Variants in GBE1 observed in about 807,000 individuals in gnomAD.
GBE1 encodes 1,4-alpha-glucan branching enzyme 1.
A neutral mutation model predicts 88.8 loss-of-function variants in GBE1; 70 were observed. The ratio of observed to expected loss-of-function variants is 0.79; its 90% CI spans 0.65 to 0.96. GBE1 has a LOEUF of 0.96. Ranked by LOEUF, GBE1 falls within the 40% of genes least tolerant of loss-of-function variation. GBE1 has a pLI of 0.00. For missense variants in GBE1, 872 were observed against 871.0 expected (o/e 1.00, Z -0.01); for synonymous variants, 284 against 300.1 (o/e 0.95, Z 0.56).
intron 3 of GBE1, among the ~76,000 whole-genome samples, chr3:81,664,006 G>T (rs1368631739): frequency 6.6e-6 from 1 of 151,864 alleles, no homozygotes; most frequent in African/African-American, 2.4e-5. Flanking sequence ...ATAAAAAGGG[G>T]CTGTGCATAG....
intron 12 of GBE1, among the ~76,000 whole-genome samples, chr3:81,575,534 A>T (rs902406791): frequency 1.3e-5 from 2 of 152,176 alleles, no homozygotes; most frequent in African/African-American, 4.8e-5. Context: ...ATGTTTTTAT[A>T]AAAATATGTG....
chr3:81,510,150 T>A (rs569071872), intron 14 of GBE1, among the ~76,000 whole-genome samples: 1 of 152,202 alleles, frequency 6.6e-6, no homozygotes, highest in South Asian at 2.1e-4. Flanking sequence ...AAGGGGTTTG[T>A]CAAAATAATA....
intron 2 of GBE1, among the ~76,000 whole-genome samples, chr3:81,686,280 G>A (rs1399641380): frequency 6.6e-6 from 1 of 152,188 alleles, no homozygotes; most frequent in Non-Finnish European, 1.5e-5. Context: ...GTCATCTACA[G>A]CATCTACTAC....
rs34108399 is a variant in GBE1 at position 81,613,936 on chromosome 3, C to CAA, written c.993-19915_993-19914dup. 7.2e-3 allele frequency among the ~76,000 whole-genome samples: 862 copies of CAA among 119,646 alleles called. 8 individuals are homozygous for CAA. Among genetic ancestry groups the CAA allele is most frequent in the African/African-American group, 0.021 (737 of 34,490 alleles). 78.5% of individuals were successfully genotyped at this position (119,646 alleles called of 152,430 possible). A position where few individuals can be genotyped will look rare whatever the true frequency, so the allele number is the denominator to read the frequency against. ...ACTAAACGTGTTCACACACACACACCAAAAAAAAAAAAAAACCCTTAAAAC... is the reference window on the plus strand; with the variant it reads ...ACTAAACGTGTTCACACACACACACCAAAAAAAAAAAAAAAAACCCTTAAAAC... On this transcript the variant is annotated intron_variant, in intron 7 of 15. Coordinates refer to ENST00000429644, the MANE Select transcript of GBE1 (RefSeq NM_000158.4).
intron 12 of GBE1, among the ~76,000 whole-genome samples, chr3:81,573,756 T>C (rs56397849): frequency 0.29 from 34,849 of 119,338 alleles, 4,112 homozygotes; most frequent in East Asian, 0.54. Flanking sequence ...ATTTGCCTTC[T>C]CTCTCTCTCT....
intron 7 of GBE1, among the ~76,000 whole-genome samples, chr3:81,614,418 A>C (rs1360714820): frequency 6.6e-6 from 1 of 152,204 alleles, no homozygotes; most frequent in Non-Finnish European, 1.5e-5. Flanking sequence ...GATTTGACTA[A>C]ATTAAAATAC....
At chr3:81,749,563 A>C (rs1333789832) in intron 1 of GBE1, among the ~76,000 whole-genome samples, 1 of 152,230 alleles carries the variant, frequency 6.6e-6, no homozygotes, top group Non-Finnish European at 1.5e-5. Flanking sequence ...ACATTAATAT[A>C]CACATGTGAT....
At position 81,748,725 on chromosome 3, in the gene GBE1, G is replaced by A. The variant is rs547756206; in HGVS notation, c.143+12650C>T. On this transcript the variant is annotated intron_variant, in intron 1 of 15. Transcript: ENST00000429644. Reference sequence around the variant, plus strand: ...TGTACAGATACTGTAGAAAATATCTGGAGGCCGGGCGCAGTGGCTCAGCCT... The same window carrying A: ...TGTACAGATACTGTAGAAAATATCTAGAGGCCGGGCGCAGTGGCTCAGCCT... Among the ~76,000 whole-genome samples, 192 of 152,170 alleles carry A rather than the reference G, an allele frequency of 1.3e-3. 1 individual carries two copies. Among genetic ancestry groups the A allele is most frequent in the African/African-American group, 4.4e-3 (183 of 41,524 alleles).
intron 11 of GBE1, 79 bp from the exon 12 acceptor site, chr3:81,578,175 GT>G: frequency 1.0e-6 from 1 of 955,342 alleles, no homozygotes; most frequent in Non-Finnish European, 1.5e-6. Context: ...ACAATGCATG[GT>G]TACAAATGTT....
intron 14 of GBE1, among the ~76,000 whole-genome samples, chr3:81,502,091 G>A (rs762766062): frequency 6.7e-6 from 1 of 149,362 alleles, no homozygotes; most frequent in East Asian, 2.0e-4. Context: ...TATTTTCAAT[G>A]TTATAGTAAA....
chr3:81,516,644 C>G (rs1702801853), intron 14 of GBE1, among the ~76,000 whole-genome samples: 1 of 151,418 alleles, frequency 6.6e-6, no homozygotes, highest in South Asian at 2.1e-4. Context: ...CTCGGCAAAG[C>G]AAATTGAAAA....
At chr3:81,567,992 G>C (rs1309530220) in intron 12 of GBE1, among the ~76,000 whole-genome samples, 1 of 152,108 alleles carries the variant, frequency 6.6e-6, no homozygotes, top group Non-Finnish European at 1.5e-5. Flanking sequence ...AAGTTACAGT[G>C]ACACTAGTCT....
rs753558974 is a variant in GBE1 at position 81,646,188 on chromosome 3, C to T, written c.782+204G>A. Among the ~76,000 whole-genome samples, 5 of 152,088 alleles carry T rather than the reference C, an allele frequency of 3.3e-5. No individual in the cohort carries two copies. The East Asian group carries it at 5.8e-4, about 18-fold the overall frequency. On this transcript the variant is annotated intron_variant, in intron 6 of 15. Transcript: ENST00000429644. ...ACATTCTATATCACAAATCATCCCA[C>T]GAGGAGTAACATAAAATCAAGGACA...
In GBE1 at chr3:81,750,573, ATACGTATATATATACGTATATATATATG is replaced by A. The variant is rs1175906237; in HGVS notation, c.143+10774_143+10801del. Among the ~76,000 whole-genome samples, 111 of 64,310 alleles carry A rather than the reference ATACGTATATATATACGTATATATATATG, an allele frequency of 1.7e-3. 2 individuals carry two copies. Among genetic ancestry groups the A allele is most frequent in the East Asian group, 8.7e-3 (7 of 802 alleles). The allele number at this position is 64,310 out of a possible 152,430, so 42.2% of individuals were successfully genotyped here. On this transcript the variant is annotated intron_variant, in intron 1 of 15. Coordinates refer to ENST00000429644, the MANE Select transcript of GBE1 (RefSeq NM_000158.4). ...TATGTATATATATATGTATATATAT[ATACGTATATATATACGTATATATATATG>A]TGTATATATATATATGTATATATAT...
chr3:81,695,933 G>A (rs532465998), intron 2 of GBE1, among the ~76,000 whole-genome samples: 1 of 152,276 alleles, frequency 6.6e-6, no homozygotes, highest in African/African-American at 2.4e-5. Flanking sequence ...AGTCCCTAAT[G>A]AGAGGGGGGT....
In GBE1 at chr3:81,586,208, G is replaced by T; in HGVS notation, c.1237-18C>A. On this transcript the variant is annotated intron_variant, in intron 9 of 15. Transcript: ENST00000429644. ...GATACATCCTACAACAAAGAACGTC[G>T]GTTCATAATGATCAAACTTTTAGTA... is the stretch of plus-strand genomic sequence containing the variant. 3.4e-6 allele frequency: 5 copies of T among 1,465,960 alleles called. No individual in the cohort carries two copies. Among genetic ancestry groups the T allele is most frequent in the Non-Finnish European group, 4.7e-6 (5 of 1,064,926 alleles). 90.8% of individuals were successfully genotyped at this position (1,465,960 alleles called of 1,614,324 possible). A position where few individuals can be genotyped will look rare whatever the true frequency, so the allele number is the denominator to read the frequency against.
At position 81,581,023 on chromosome 3, in the gene GBE1, A is replaced by T. The variant is rs553063410; in HGVS notation, c.1446+142T>A. 1.7e-5 allele frequency: 9 copies of T among 524,940 alleles called. No homozygotes were observed. In the East Asian group the frequency reaches 3.0e-4, roughly 17 times the overall value. The allele number at this position is 524,940 out of a possible 1,614,324, so 32.5% of individuals were successfully genotyped here. On this transcript the variant is annotated intron_variant, in intron 11 of 15. Coordinates refer to ENST00000429644, the MANE Select transcript of GBE1 (RefSeq NM_000158.4). ...AGTTTTCCTGTAAAGATATATATTA[A>T]TACACACACACACATACACACATTA...
intron 12 of GBE1, among the ~76,000 whole-genome samples, chr3:81,547,965 T>C (rs929475773): frequency 4.6e-5 from 7 of 151,422 alleles, no homozygotes; most frequent in African/African-American, 1.7e-4. Flanking sequence ...CTTCTCTTGT[T>C]CTATATCCTT....
intron 1 of GBE1, among the ~76,000 whole-genome samples, chr3:81,707,256 C>A (rs1705790665): frequency 6.6e-6 from 1 of 151,760 alleles, no homozygotes; most frequent in Non-Finnish European, 1.5e-5. Flanking sequence ...TAATTAAAAA[C>A]CAAAAGATAA....
Sources: allele counts gnomAD v4.1 joint callset (sites outside exome capture counted in the v4.1 genomes callset), GRCh38; gene constraint gnomAD v4.1.1; transcripts MANE v1.5; gene names NCBI Gene and HGNC (gene_info 2026-07-23, HGNC 2026-07-21).